Variants in ICA1 observed in about 807,000 individuals in gnomAD.
ICA1 encodes the protein 69 kDa islet cell autoantigen.
ICA1 carries 40 observed loss-of-function variants against 71.0 expected under a neutral mutation model. The observed-to-expected ratio is 0.56, with a 90% CI of 0.44 to 0.73. ICA1 has a LOEUF of 0.73. ICA1 is among the 30% of genes least tolerant of loss of function. ICA1 has a pLI of 0.00. For synonymous variants in ICA1, 207 were observed against 209.5 expected (o/e 0.99, Z 0.10); for missense variants, 578 against 576.5 (o/e 1.00, Z -0.03).
At chr7:8,194,526 T>C (rs1205098189) in intron 6 of ICA1, among the ~76,000 whole-genome samples, 5 of 152,218 alleles carry the variant, frequency 3.3e-5, no homozygotes, top group Non-Finnish European at 5.9e-5. Flanking sequence ...CTGGCAAGAG[T>C]CTGACTTAAA....
intron 13 of ICA1, among the ~76,000 whole-genome samples, chr7:8,117,769 G>A (rs190148287): frequency 6.6e-6 from 1 of 152,290 alleles, no homozygotes; most frequent in African/African-American, 2.4e-5. Flanking sequence ...TGGAAGGCGA[G>A]TTCAGATGGG....
chr7:8,176,587 G>C (rs1780703039), intron 6 of ICA1, among the ~76,000 whole-genome samples: 1 of 152,182 alleles, frequency 6.6e-6, no homozygotes, highest in East Asian at 1.9e-4. Context: ...CAGCAGGCAT[G>C]CACAACAATG....
At position 8,222,856 on chromosome 7, in the gene ICA1, C is replaced by T. The variant is rs1015611913; in HGVS notation, c.257-1458G>A. Among the ~76,000 whole-genome samples the T allele has an allele frequency of 1.3e-5, 2 of 152,190 alleles. No individual in the cohort carries two copies. Among genetic ancestry groups the T allele is most frequent in the Non-Finnish European group, 2.9e-5 (2 of 68,024 alleles). On this transcript the variant is annotated intron_variant, in intron 4 of 13. Coordinates refer to ENST00000402384, the MANE Select transcript of ICA1 (RefSeq NM_001136020.3). The surrounding 1 kb of genome is among the most constrained non-coding windows in gnomAD (Gnocchi z 4.8). ...CTGACTTAGCACTCACCTTGTGTGA[C>T]TGGGCATGTGTCTCTCTTCCCCAGG...
At chr7:8,133,678 C>G (rs1042737706) in intron 12 of ICA1, among the ~76,000 whole-genome samples, 5 of 152,180 alleles carry the variant, frequency 3.3e-5, no homozygotes, top group African/African-American at 1.2e-4. Context: ...AACACTCTGT[C>G]TAGTGGTATT....
At chr7:8,218,657 T>G (rs1796127267) in intron 5 of ICA1, 154 bp from the exon 6 acceptor site, 1 of 664,888 alleles carries the variant, frequency 1.5e-6, no homozygotes, top group South Asian at 1.8e-5. Flanking sequence ...TCGAAATGCA[T>G]GTAGTTCCAA....
intron 6 of ICA1, among the ~76,000 whole-genome samples, chr7:8,215,333 G>A (rs1236175215): frequency 1.3e-5 from 2 of 152,080 alleles, no homozygotes; most frequent in Non-Finnish European, 2.9e-5. Flanking sequence ...ATGCTGCTCT[G>A]TTGCTTCTAC....
chr7:8,177,492 T>C (rs1272788784), intron 6 of ICA1, among the ~76,000 whole-genome samples: 1 of 152,228 alleles, frequency 6.6e-6, no homozygotes, highest in Non-Finnish European at 1.5e-5. Flanking sequence ...GAAGCACATA[T>C]TTCAGCAGAA....
chr7:8,203,104 G>A (rs1790287585), intron 6 of ICA1, among the ~76,000 whole-genome samples: 1 of 152,184 alleles, frequency 6.6e-6, no homozygotes, highest in Non-Finnish European at 1.5e-5. Context: ...AGAACACCAA[G>A]GGGGCTTTAG....
At chr7:8,189,453 C>A (rs767637913) in intron 6 of ICA1, among the ~76,000 whole-genome samples, 1 of 152,224 alleles carries the variant, frequency 6.6e-6, no homozygotes, top group Non-Finnish European at 1.5e-5. Context: ...TTCGCCTCCT[C>A]GCTCTGCTAG....
intron 13 of ICA1, among the ~76,000 whole-genome samples, chr7:8,120,958 C>T (rs750891187): frequency 3.3e-5 from 5 of 152,188 alleles, no homozygotes; most frequent in Non-Finnish European, 7.3e-5. Context: ...AGAGTGGGAA[C>T]ACCACAACCA....
intron 1 of ICA1, among the ~76,000 whole-genome samples, chr7:8,255,777 C>T (rs1809912208): frequency 1.7e-5 from 2 of 114,478 alleles, no homozygotes; most frequent in Admixed American, 8.1e-5. Context: ...TCACTTCTTT[C>T]TCTTTTTTTT....
intron 12 of ICA1, among the ~76,000 whole-genome samples, chr7:8,137,290 G>T (rs1329277947): frequency 2.0e-5 from 3 of 152,112 alleles, no homozygotes; most frequent in African/African-American, 7.2e-5. Flanking sequence ...ATTAAAGAAG[G>T]TGATAATAAA....
intron 1 of ICA1, among the ~76,000 whole-genome samples, chr7:8,245,652 T>G (rs1805711455): frequency 6.6e-6 from 1 of 152,160 alleles, no homozygotes; most frequent in African/African-American, 2.4e-5. Context: ...GTTTATATAT[T>G]TTAACCCAAT....
At chr7:8,167,253 G>C (rs1806349195) in intron 6 of ICA1, among the ~76,000 whole-genome samples, 1 of 152,140 alleles carries the variant, frequency 6.6e-6, no homozygotes, top group Admixed American at 6.5e-5. Flanking sequence ...AGTGGATAAG[G>C]AAAATGCGGT....
At chr7:8,224,797 T>G (rs577415893) in intron 4 of ICA1, among the ~76,000 whole-genome samples, 2 of 152,364 alleles carry the variant, frequency 1.3e-5, no homozygotes, top group South Asian at 4.1e-4. Flanking sequence ...AGTCTTTATC[T>G]TTCATGACTT....
chr7:8,234,831 A>C lies in ICA1; in HGVS notation c.17+1079T>G, dbSNP rs183343236. Among the ~76,000 whole-genome samples the C allele has an allele frequency of 2.0e-5, 3 of 152,214 alleles. No individual in the cohort carries two copies. Among genetic ancestry groups the C allele is most frequent in the Non-Finnish European group, 4.4e-5 (3 of 68,038 alleles). ...TTGGAAGGATACACTCCAAAGACTG[A>C]TTATTTTAGGGGAATGGCATTCTCA... is the stretch of plus-strand genomic sequence containing the variant. On this transcript the variant is annotated intron_variant, in intron 2 of 13. Transcript: ENST00000402384. This position sits in a 1 kb window ranked among gnomAD's most constrained non-coding sequence, Gnocchi z 4.5.
intron 6 of ICA1, among the ~76,000 whole-genome samples, chr7:8,183,258 T>C (rs953949479): frequency 1.3e-5 from 2 of 152,178 alleles, no homozygotes; most frequent in Non-Finnish European, 2.9e-5. Flanking sequence ...CTTAAGAAAG[T>C]GAAGGTTCTA....
intron 6 of ICA1, among the ~76,000 whole-genome samples, chr7:8,197,001 T>C (rs987290586): frequency 1.3e-5 from 2 of 152,190 alleles, no homozygotes; most frequent in South Asian, 4.1e-4. Flanking sequence ...TGTGCAACTG[T>C]GAGTCAATTA....
chr7:8,249,083 T>A (rs1351950755), intron 1 of ICA1, among the ~76,000 whole-genome samples: 1 of 152,232 alleles, frequency 6.6e-6, no homozygotes, highest in Non-Finnish European at 1.5e-5. Flanking sequence ...TGCGGCTATT[T>A]GTATATAACT....
Sources: allele counts gnomAD v4.1 joint callset (sites outside exome capture counted in the v4.1 genomes callset), GRCh38; gene constraint gnomAD v4.1.1; non-coding constraint Gnocchi (gnomAD v3.1); transcripts MANE v1.5; gene names NCBI Gene and HGNC (gene_info 2026-07-23, HGNC 2026-07-21).